The following MTIF2 variants were observed in gnomAD, a reference collection of about 807,000 sequenced individuals.
The protein encoded by MTIF2 is translation initiation factor IF-2, mitochondrial.
A neutral mutation model predicts 83.5 loss-of-function variants in MTIF2; 71 were observed. The ratio of observed to expected loss-of-function variants is 0.85; its 90% confidence interval spans 0.70 to 1.04. The LOEUF is 1.04. Ranked by LOEUF, MTIF2 falls within the 50% of genes least tolerant of loss-of-function variation. The pLI is 0.00. For missense variants in MTIF2, 957 were observed against 846.5 expected, an observed-to-expected ratio of 1.13 and a Z score of -1.62; for synonymous variants, 319 against 287.1, an observed-to-expected ratio of 1.11 and a Z score of -1.12.
chr2:55,254,240 C>A, intron 6 of MTIF2, 39 bp from the exon 7 acceptor site: 1 of 1,595,294 alleles, frequency 6.3e-7, no homozygotes, highest in South Asian at 1.1e-5. Context: ...TCTTAAATAT[C>A]AGAAATACTT....
intron 3 of MTIF2, among the ~76,000 whole-genome samples, chr2:55,264,581 G>A (rs937231974): frequency 2.6e-5 from 4 of 151,932 alleles, no homozygotes; most frequent in African/African-American, 9.7e-5. Flanking sequence ...TACCTCTCAA[G>A]CTTTTGTTAT....
chr2:55,264,538 T>G (rs913090562), intron 3 of MTIF2, among the ~76,000 whole-genome samples: 4 of 152,086 alleles, frequency 2.6e-5, no homozygotes, highest in African/African-American at 7.2e-5. Context: ...CAGCCTTACT[T>G]TATTTCTTAC....
intron 8 of MTIF2, among the ~76,000 whole-genome samples, chr2:55,252,138 T>C (rs1434005260): frequency 6.6e-6 from 1 of 152,174 alleles, no homozygotes; most frequent in African/African-American, 2.4e-5. Context: ...ACTATGCAAC[T>C]CCTAATGAAT....
At chr2:55,250,542 C>G (rs1677022435) in intron 8 of MTIF2, among the ~76,000 whole-genome samples, 1 of 152,062 alleles carries the variant, frequency 6.6e-6, no homozygotes, top group Non-Finnish European at 1.5e-5. Flanking sequence ...AAACTAAGTA[C>G]CAATATCACA....
intron 10 of MTIF2, 152 bp downstream of exon 10, chr2:55,246,185 G>T: frequency 4.4e-6 from 4 of 911,082 alleles, no homozygotes; most frequent in African/African-American, 1.7e-5. Flanking sequence ...TCTTGTATTA[G>T]TACAAACAAT....
At chr2:55,267,084 C>T (rs557679046) in intron 3 of MTIF2, among the ~76,000 whole-genome samples, 5 of 148,082 alleles carry the variant, frequency 3.4e-5, no homozygotes, top group Middle Eastern at 3.8e-3. Flanking sequence ...TGTTACATTT[C>T]AACCAATCTT....
At chr2:55,251,194 G>A (rs762736860) in intron 8 of MTIF2, among the ~76,000 whole-genome samples, 7 of 151,888 alleles carry the variant, frequency 4.6e-5, no homozygotes, top group Non-Finnish European at 5.9e-5. Context: ...AAGAGAAGAG[G>A]TGTACAAAGC....
intron 12 of MTIF2, 21 bp downstream of exon 12, chr2:55,243,395 G>A: frequency 6.4e-7 from 1 of 1,570,762 alleles, no homozygotes; most frequent in Non-Finnish European, 8.7e-7. Context: ...GAACTGTAAT[G>A]TAAAATCTTT....
At chr2:55,261,445 A>T (rs926032054) in intron 5 of MTIF2, among the ~76,000 whole-genome samples, 1 of 146,590 alleles carries the variant, frequency 6.8e-6, no homozygotes, top group African/African-American at 2.5e-5. Flanking sequence ...GTCTCTACTA[A>T]AAAAAAAAAA....
chr2:55,239,072 G>C (rs2104279060), intron 14 of MTIF2, among the ~76,000 whole-genome samples: 1 of 152,286 alleles, frequency 6.6e-6, no homozygotes, highest in African/African-American at 2.4e-5. Flanking sequence ...TTGAAGAACT[G>C]TTCCAGATTA....
At chr2:55,247,198 G>C (rs1676761782) in intron 9 of MTIF2, among the ~76,000 whole-genome samples, 1 of 152,202 alleles carries the variant, frequency 6.6e-6, no homozygotes, top group Non-Finnish European at 1.5e-5. Context: ...GGAACTGATA[G>C]GCAAGGTATT....
intron 14 of MTIF2, among the ~76,000 whole-genome samples, chr2:55,237,717 C>A (rs1675986369): frequency 8.2e-6 from 1 of 121,808 alleles, no homozygotes; most frequent in Admixed American, 1.1e-4. Flanking sequence ...GTGGTGTGAT[C>A]TTGGCTCACT....
intron 9 of MTIF2, among the ~76,000 whole-genome samples, chr2:55,249,184 G>A (rs1327855914): frequency 6.6e-6 from 1 of 152,038 alleles, no homozygotes; most frequent in African/African-American, 2.4e-5. Flanking sequence ...ATTTAGACTT[G>A]ACTCCACACT....
intron 8 of MTIF2, among the ~76,000 whole-genome samples, chr2:55,249,771 A>T (rs1676959954): frequency 6.6e-6 from 1 of 151,786 alleles, no homozygotes; most frequent in South Asian, 2.1e-4. Flanking sequence ...CTGAGTGAAT[A>T]ACAGACACCT....
At chr2:55,258,113 T>C (rs866539066) in intron 5 of MTIF2, among the ~76,000 whole-genome samples, 109 of 152,272 alleles carry the variant, frequency 7.2e-4, no homozygotes, top group African/African-American at 2.4e-3. Flanking sequence ...GAGTTTTTAC[T>C]ACCTTTGTGA....
chr2:55,268,861 G>T (rs572584734), intron 1 of MTIF2, 122 bp from the exon 2 acceptor site: 1 of 152,308 alleles, frequency 6.6e-6, no homozygotes, highest in South Asian at 2.1e-4. Context: ...ACGGATCTGG[G>T]GTGGCTCGCC....
intron 2 of MTIF2, chr2:55,267,839 G>C (rs138977305): frequency 6.6e-6 from 1 of 151,946 alleles, no homozygotes; most frequent in African/African-American, 2.4e-5. Context: ...GTTTACCTTC[G>C]GACAATTATG....
rs1558590707 is a variant in MTIF2, at chr2:55,269,172, C to G, written c.-240G>C. The G allele has an allele frequency of 6.6e-6, 1 of 152,356 alleles. No individual in the cohort carries two copies. The highest frequency in any genetic ancestry group is 1.5e-5 in the Non-Finnish European group (1 of 68,144). 9.4% of individuals were successfully genotyped at this position (152,356 alleles called of 1,614,324 possible). On this transcript the variant is annotated 5_prime_UTR_variant, in exon 1 of 16. Coordinates refer to ENST00000263629, the MANE Select transcript of MTIF2 (RefSeq NM_002453.3). ...ATCCTACCCACTTAACTCCTACCTA[C>G]AGCCCCGGGCCCCTGGATTCTGAGC...
rs1367490141 is a variant in MTIF2 at position 55,254,123 on chromosome 2, C to T, written c.582G>A (p.Thr194=). Reference sequence around the variant, plus strand: ...TTTTTCGAAATTTGTCAAGTAATGTCGTTTTCCCGTGATCAACATGGCCCA... The same window carrying T: ...TTTTTCGAAATTTGTCAAGTAATGTTGTTTTCCCGTGATCAACATGGCCCA... ...TIMGHVDHGK[T]TLLDKFRKTQ... Residue 194 remains threonine (T), a synonymous_variant, in exon 7 of 16, where the codon ACG becomes ACA. Transcript: ENST00000263629. 3.1e-6 allele frequency: 5 copies of T among 1,614,130 alleles called. No homozygotes were observed. The highest frequency in any genetic ancestry group is 1.7e-5 in the Admixed American group (1 of 60,014).
Sources: gnomAD v4.1 joint callset for allele counts (sites outside exome capture counted in the v4.1 genomes callset) on GRCh38, gnomAD v4.1.1 for gene constraint, MANE v1.5 for transcripts, NCBI Gene and HGNC (gene_info 2026-07-23, HGNC 2026-07-21) for gene names.